MYT1: variants seen among roughly 807,000 people sequenced by gnomAD.
MYT1 encodes myelin transcription factor I.
A neutral mutation model predicts 123.0 loss-of-function variants in MYT1; 23 were observed. That is an observed-to-expected ratio of 0.19 (90% CI 0.13 to 0.26). MYT1 has a LOEUF of 0.26. Among genes scored for constraint, MYT1 ranks in the 10% least tolerant of loss-of-function variants. The pLI is 1.00. For missense variants in MYT1, 1,125 were observed against 1,472.5 expected, an observed-to-expected ratio of 0.76 and a Z score of 3.86; for synonymous variants, 518 against 575.3, an observed-to-expected ratio of 0.90 and a Z score of 1.43.
At chr20:64,199,537 G>A (rs996095498) in intron 3 of MYT1, among the ~76,000 whole-genome samples, 2 of 152,172 alleles carry the variant, frequency 1.3e-5, no homozygotes, top group Non-Finnish European at 2.9e-5. Context: ...CCTGCCAAAA[G>A]CTGACTTCTA....
chr20:64,169,004 G>GC (rs1302789364), intron 1 of MYT1, among the ~76,000 whole-genome samples: 3 of 152,226 alleles, frequency 2.0e-5, no homozygotes, highest in Non-Finnish European at 4.4e-5. Flanking sequence ...GAAGCCATCT[G>GC]GGTCCTCTTC....
intron 18 of MYT1, among the ~76,000 whole-genome samples, chr20:64,229,039 AC>A (rs1984250702): frequency 6.6e-6 from 1 of 152,178 alleles, no homozygotes. Flanking sequence ...GTGCCCAAAC[AC>A]CCGGCCACAC....
intron 4 of MYT1, 103 bp from the exon 5 acceptor site, chr20:64,204,932 G>T (rs906635277): frequency 1.7e-6 from 2 of 1,175,362 alleles, no homozygotes; most frequent in Admixed American, 2.1e-5. Flanking sequence ...ATTCTGAGGT[G>T]AATCGTCTGG....
In MYT1 at chr20:64,185,655, G is replaced by A. The variant is rs1008133112; in HGVS notation, c.-98-4408G>A. On this transcript the variant is annotated intron_variant, in intron 1 of 22. Transcript: ENST00000328439. This position sits in a 1 kb window ranked among gnomAD's most constrained non-coding sequence, Gnocchi z 4.5. ...GAGGCCCAGGGGATGCACCATGGGG[G>A]CAGGTGGGCTCAGGCCAGATTCCAG... is the stretch of plus-strand genomic sequence containing the variant. Among the ~76,000 whole-genome samples, 3 of 152,214 alleles carry A rather than the reference G, an allele frequency of 2.0e-5. No homozygotes were observed. The highest frequency in any genetic ancestry group is 7.2e-5 in the African/African-American group (3 of 41,464).
chr20:64,240,267 G>T (rs755170665), intron 22 of MYT1, 53 bp from the exon 23 acceptor site: 1 of 1,593,562 alleles, frequency 6.3e-7, no homozygotes, highest in African/African-American at 1.3e-5. Flanking sequence ...CAGGCTCTGC[G>T]GTGTGGGGCC....
rs1193496413 is a variant in MYT1, at chr20:64,208,213, G to A, written c.1017G>A (p.Glu339=). ...RGPESPSPKP[E]YSVIVEVRSD... Reference sequence around the variant, plus strand: ...CAGAATCACCCAGTCCCAAGCCTGAGTACTCTGTTATTGTGGAGGTCCGCT... The same window carrying A: ...CAGAATCACCCAGTCCCAAGCCTGAATACTCTGTTATTGTGGAGGTCCGCT... The change falls in exon 7 of 23, where the codon GAG becomes GAA. Residue 339 remains glutamate (E), a synonymous_variant. Transcript: ENST00000328439. This position sits in a 1 kb window ranked among gnomAD's most constrained non-coding sequence, Gnocchi z 5.4. The A allele has an allele frequency of 6.2e-7, 1 of 1,613,954 alleles. No homozygotes were observed. The highest frequency in any genetic ancestry group is 8.5e-7 in the Non-Finnish European group (1 of 1,180,042).
intron 1 of MYT1, among the ~76,000 whole-genome samples, chr20:64,172,024 ACTGGCCACCCACTT>A (rs1982299168): frequency 6.6e-6 from 1 of 151,562 alleles, no homozygotes; most frequent in South Asian, 2.1e-4. Context: ...AGCCCCTCCT[ACTGGCCACCCACTT>A]CCTGCCCAGT....
At chr20:64,239,404 G>A (rs969946965) in intron 21 of MYT1, among the ~76,000 whole-genome samples, 2 of 152,110 alleles carry the variant, frequency 1.3e-5, no homozygotes, top group African/African-American at 4.8e-5. Flanking sequence ...TGTGAAGTCT[G>A]TGCTCCCACC....
chr20:64,227,837 G>C lies in MYT1; in HGVS notation c.2592-51G>C, dbSNP rs967330448. On this transcript the variant is annotated intron_variant, in intron 17 of 22. Transcript: ENST00000328439. ...GAGAGGGTGAGATGAACGGGTGTGAGAAGCTGCGGTTCCAGCACTAAGGTG... is the reference window on the plus strand; with the variant it reads ...GAGAGGGTGAGATGAACGGGTGTGACAAGCTGCGGTTCCAGCACTAAGGTG... The C allele has an allele frequency of 2.0e-6, 3 of 1,533,388 alleles. No individual in the cohort carries two copies. The African/African-American group carries it at 4.1e-5, about 21-fold the overall frequency. 95.0% of individuals were successfully genotyped at this position (1,533,388 alleles called of 1,614,324 possible).
rs369480829 is a variant in MYT1, at chr20:64,237,402, C to T, written c.3093+12C>T. 3.3e-5 allele frequency: 52 copies of T among 1,587,646 alleles called. No individual in the cohort carries two copies. Among genetic ancestry groups the T allele is most frequent in the African/African-American group, 1.6e-4 (12 of 74,808 alleles). Reference sequence around the variant, plus strand: ...AGCTGCAGTCCCAGGTAGGTGGTGCCGCCCCCCGCTCCTGGGCTCTTTGCC... The same window carrying T: ...AGCTGCAGTCCCAGGTAGGTGGTGCTGCCCCCCGCTCCTGGGCTCTTTGCC... On this transcript the variant is annotated intron_variant, in intron 21 of 22. Coordinates refer to ENST00000328439, the MANE Select transcript of MYT1 (RefSeq NM_004535.3).
chr20:64,225,426 CATGTGTCTG>C (rs1490073403), intron 16 of MYT1, among the ~76,000 whole-genome samples: 1 of 152,220 alleles, frequency 6.6e-6, no homozygotes, highest in Non-Finnish European at 1.5e-5. Context: ...TCTTCCCTCC[CATGTGTCTG>C]ATGTGGTCAA....
rs753232178 is a variant in MYT1, at chr20:64,240,473, C to T, written c.*25C>T. On this transcript the variant is annotated 3_prime_UTR_variant, in exon 23 of 23. Coordinates refer to ENST00000328439, the MANE Select transcript of MYT1 (RefSeq NM_004535.3). Reference sequence around the variant, plus strand: ...GGCCGTGTGGTACCCAGAAGTGTCCCAGCCCACCACACCGTTTACCTCCCT... The same window carrying T: ...GGCCGTGTGGTACCCAGAAGTGTCCTAGCCCACCACACCGTTTACCTCCCT... 1.2e-6 allele frequency: 2 copies of T among 1,605,468 alleles called. No homozygotes were observed. Among genetic ancestry groups the T allele is most frequent in the Non-Finnish European group, 1.7e-6 (2 of 1,176,756 alleles).
rs907311158 is a variant in MYT1 at position 64,167,714 on chromosome 20, G to A, written c.-99+2975G>A. 3.9e-5 allele frequency among the ~76,000 whole-genome samples: 6 copies of A among 152,192 alleles called. No homozygotes were observed. Among genetic ancestry groups the A allele is most frequent in the Non-Finnish European group, 7.3e-5 (5 of 68,030 alleles). On this transcript the variant is annotated intron_variant, in intron 1 of 22. Transcript: ENST00000328439. This position sits in a 1 kb window ranked among gnomAD's most constrained non-coding sequence, Gnocchi z 6.3. ...AGCAGGGTGCCCGCAGGGGCTGGGG[G>A]GGCTCTTCTCTTTCTTCCTCTCTCC...
At chr20:64,228,119 T>TCCCATCTC in intron 18 of MYT1, 148 bp downstream of exon 18, 1 of 725,518 alleles carries the variant, frequency 1.4e-6, no homozygotes. Context: ...TTTCTTTCAT[T>TCCCATCTC]TTTATGGAAG....
At chr20:64,177,867 C>T (rs1211179033) in intron 1 of MYT1, among the ~76,000 whole-genome samples, 1 of 152,232 alleles carries the variant, frequency 6.6e-6, no homozygotes, top group Non-Finnish European at 1.5e-5. Context: ...CAGACTTTCT[C>T]AGGTGCCTGG....
chr20:64,217,669 C>T (rs528574395), intron 11 of MYT1, among the ~76,000 whole-genome samples: 97 of 152,326 alleles, frequency 6.4e-4, no homozygotes, highest in African/African-American at 2.1e-3. Flanking sequence ...CCAGTGCAGC[C>T]GGCTGTCCAT....
Position 64,189,038 on chromosome 20 carries a change from G to C in MYT1, c.-98-1025G>C, listed in dbSNP as rs1441144790. ...TAATCCGAAGCCCTTTAATGGGATG[G>C]AAGCATTTCCAGATAAGAAGAGGGT... On this transcript the variant is annotated intron_variant, in intron 1 of 22. Transcript: ENST00000328439. The surrounding 1 kb of genome is among the most constrained non-coding windows in gnomAD (Gnocchi z 5.5). Among the ~76,000 whole-genome samples, 1 of 152,224 alleles carries C rather than the reference G, an allele frequency of 6.6e-6. No homozygotes were observed. Among genetic ancestry groups the C allele is most frequent in the Non-Finnish European group, 1.5e-5 (1 of 68,042 alleles).
rs1387793919 is a variant in MYT1 at position 64,199,899 on chromosome 20, A to G, written c.63A>G (p.Pro21=). The stretch of plus-strand genomic sequence containing the variant: ...TTTCTGTCTTTTTCCCAGGACCCCC[A>G]GAGACCACAGCTGCAGACCTCAGGT... ...RTRSKALRGP[P]ETTAADLSCP... is the part of the protein sequence containing the mutation. The change falls in exon 4 of 23, where the codon CCA becomes CCG. Residue 21 remains proline, a synonymous_variant. Coordinates refer to ENST00000328439, the MANE Select transcript of MYT1 (RefSeq NM_004535.3). The G allele has an allele frequency of 1.9e-6, 3 of 1,614,038 alleles. No individual in the cohort carries two copies. Among genetic ancestry groups the G allele is most frequent in the Non-Finnish European group, 2.5e-6 (3 of 1,180,006 alleles).
chr20:64,235,516 C>A (rs1251836046), intron 19 of MYT1, among the ~76,000 whole-genome samples: 3 of 138,118 alleles, frequency 2.2e-5, no homozygotes, highest in Non-Finnish European at 3.1e-5. Context: ...TGACCCTGGG[C>A]TGGCCATGGT....
Sources: gnomAD v4.1 joint callset for allele counts (sites outside exome capture counted in the v4.1 genomes callset) on GRCh38, gnomAD v4.1.1 for gene constraint, Gnocchi (gnomAD v3.1) non-coding constraint, MANE v1.5 for transcripts, NCBI Gene and HGNC (gene_info 2026-07-23, HGNC 2026-07-21) for gene names.